LRRC38: variants seen among roughly 807,000 people sequenced by gnomAD.
LRRC38 encodes the protein leucine rich repeat containing 38.
In LRRC38, 5 loss-of-function variants were observed where a neutral mutation model predicts 16.4. The ratio of observed to expected loss-of-function variants is 0.31; its 90% CI spans 0.16 to 0.64. LRRC38 has a LOEUF of 0.64. Among genes scored for constraint, LRRC38 ranks in the 30% least tolerant of loss-of-function variants. The pLI, the probability that LRRC38 is intolerant of heterozygous loss-of-function variation, is 0.80. For synonymous variants in LRRC38, 191 were observed against 190.2 expected, an observed-to-expected ratio of 1.00 and a Z score of -0.04; for missense variants, 341 against 401.8, an observed-to-expected ratio of 0.85 and a Z score of 1.29.
At chr1:13,504,297 C>A in intron 1 of LRRC38, among the ~76,000 whole-genome samples, 1 of 152,080 alleles carries the variant, frequency 6.6e-6, no homozygotes, top group East Asian at 1.9e-4. Context: ...TCATTGGAAG[C>A]ACAGACAGTC....
chr1:13,499,107 G>GT (rs1225117707), intron 1 of LRRC38, among the ~76,000 whole-genome samples: 1 of 151,798 alleles, frequency 6.6e-6, no homozygotes. Context: ...TTTTTTGTTT[G>GT]TTTTTTTGAG....
Position 13,476,487 on chromosome 1 carries a change from C to T in LRRC38, c.632-388G>A, listed in dbSNP as rs1638791230. ...GGGATTACAGGTGTGCACCGCCACA[C>T]CTGACTAATTTTAGTATTTTTAGTA... is the stretch of plus-strand genomic sequence containing the variant. On this transcript the variant is annotated intron_variant, in intron 1 of 1. Coordinates refer to ENST00000376085, the MANE Select transcript of LRRC38 (RefSeq NM_001010847.2). 2.6e-5 allele frequency among the ~76,000 whole-genome samples: 4 copies of T among 152,138 alleles called. No individual in the cohort carries two copies. In the South Asian group the frequency reaches 6.2e-4, roughly 24 times the overall value.
In LRRC38 at chr1:13,513,385, C is replaced by T. The variant is rs1639299991; in HGVS notation, c.209G>A (p.Arg70Gln). Reference sequence around the variant, plus strand: ...GAAGATGAAGAAGTCCTCGGGGATCCGCTGGATGCGGTTGCCGGCCACCAG... The same window carrying T: ...GAAGATGAAGAAGTCCTCGGGGATCTGCTGGATGCGGTTGCCGGCCACCAG... ...KLLVAGNRIQ[R>Q]IPEDFFIFYG... The change falls in exon 1 of 2, where the codon CGG becomes CAG. Residue 70 changes from arginine (R) to glutamine (Q), a missense_variant. Arg to Gln is a conservative substitution (Grantham distance 43). Coordinates refer to ENST00000376085, the MANE Select transcript of LRRC38 (RefSeq NM_001010847.2). 1.3e-6 allele frequency: 2 copies of T among 1,550,626 alleles called. No individual in the cohort carries two copies. Among genetic ancestry groups the T allele is most frequent in the Non-Finnish European group, 1.7e-6 (2 of 1,146,954 alleles).
intron 1 of LRRC38, among the ~76,000 whole-genome samples, chr1:13,492,545 T>C (rs1639026401): frequency 2.0e-5 from 3 of 151,822 alleles, no homozygotes; most frequent in African/African-American, 7.3e-5. Flanking sequence ...CTACTAAAAA[T>C]ACAAAAATTA....
chr1:13,482,305 G>A (rs529572590), intron 1 of LRRC38, among the ~76,000 whole-genome samples: 12 of 152,134 alleles, frequency 7.9e-5, no homozygotes, highest in Admixed American at 2.0e-4. Flanking sequence ...GGCCAGGCAC[G>A]GTGGCTCACA....
At chr1:13,511,860 A>G (rs1244196150) in intron 1 of LRRC38, among the ~76,000 whole-genome samples, 2 of 152,150 alleles carry the variant, frequency 1.3e-5, no homozygotes, top group African/African-American at 4.8e-5. Context: ...ACCCCGAAGC[A>G]TGGGGTGTGT....
At chr1:13,479,231 C>A (rs1487770591) in intron 1 of LRRC38, among the ~76,000 whole-genome samples, 1 of 152,010 alleles carries the variant, frequency 6.6e-6, no homozygotes, top group African/African-American at 2.4e-5. Context: ...CTCCTAACAG[C>A]CTACCCCGGC....
intron 1 of LRRC38, among the ~76,000 whole-genome samples, chr1:13,483,431 G>A (rs1638893272): frequency 6.6e-6 from 1 of 152,180 alleles, no homozygotes; most frequent in African/African-American, 2.4e-5. Flanking sequence ...TTACAGGCGT[G>A]AGCCACCACA....
intron 1 of LRRC38, among the ~76,000 whole-genome samples, chr1:13,499,990 C>T (rs113820899): frequency 0.063 from 9,512 of 152,094 alleles, 976 homozygotes; most frequent in African/African-American, 0.22. Context: ...GTCTCTCATG[C>T]CTGTAATCCC....
rs951278437 is a variant in LRRC38 at position 13,513,047 on chromosome 1, GACGCAGGGAGCGCA to G, written c.533_546del (p.Leu178ProfsTer11). 1.3e-6 allele frequency: 2 copies of G among 1,549,940 alleles called. No individual in the cohort carries two copies. The highest frequency in any genetic ancestry group is 2.7e-5 in the African/African-American group (2 of 73,014). On this transcript the variant is annotated frameshift_variant, in exon 1 of 2. Transcript: ENST00000376085. LOFTEE classifies it high-confidence loss of function. The stretch of plus-strand genomic sequence containing the variant: ...TCGCACAGCCAGGGGTTCCCGTCCA[GACGCAGGGAGCGCA>G]GCGCGGGCAGCGCGGCCAGGGCGGC...
Position 13,513,643 on chromosome 1 carries a change from C to G in LRRC38, c.-50G>C. ...GGCGAGAAGGAAGCGGCTCTCGGAG[C>G]GAGCCCTGGCGCGGGACGGCGCGGT... On this transcript the variant is annotated 5_prime_UTR_variant, in exon 1 of 2. Transcript: ENST00000376085. 9.7e-7 allele frequency: 1 copy of G among 1,035,186 alleles called. No homozygotes were observed. The highest frequency in any genetic ancestry group is 1.2e-6 in the Non-Finnish European group (1 of 863,322). 64.1% of individuals were successfully genotyped at this position (1,035,186 alleles called of 1,614,324 possible).
intron 1 of LRRC38, among the ~76,000 whole-genome samples, chr1:13,489,538 T>C (rs752524406): frequency 2.0e-5 from 3 of 151,030 alleles, no homozygotes; most frequent in Non-Finnish European, 4.4e-5. Flanking sequence ...CCTGACTCCC[T>C]GTGTAGTGCT....
At chr1:13,508,688 TA>T (rs1261458829) in intron 1 of LRRC38, among the ~76,000 whole-genome samples, 6 of 152,230 alleles carry the variant, frequency 3.9e-5, no homozygotes, top group Admixed American at 3.9e-4. Flanking sequence ...ATCAGGAACA[TA>T]AAGCTGCTTT....
At chr1:13,478,875 A>C (rs1638818776) in intron 1 of LRRC38, among the ~76,000 whole-genome samples, 1 of 151,994 alleles carries the variant, frequency 6.6e-6, no homozygotes, top group South Asian at 2.1e-4. Flanking sequence ...TCTACAGCCA[A>C]CCCATCGATG....
At position 13,513,042 on chromosome 1, in the gene LRRC38, G is replaced by A. The variant is rs1557507536; in HGVS notation, c.552C>T (p.Asp184=). 6.5e-7 allele frequency: 1 copy of A among 1,548,430 alleles called. No individual in the cohort carries two copies. Among genetic ancestry groups the A allele is most frequent in the Non-Finnish European group, 8.7e-7 (1 of 1,145,932 alleles). Residue 184 remains aspartate (D), a synonymous_variant, in exon 1 of 2, where the codon GAC becomes GAT. Coordinates refer to ENST00000376085, the MANE Select transcript of LRRC38 (RefSeq NM_001010847.2). The part of the protein sequence containing the change: ...ALPALRSLRL[D]GNPWLCDCDF... ...CACAGTCGCACAGCCAGGGGTTCCC[G>A]TCCAGACGCAGGGAGCGCAGCGCGG... is the stretch of plus-strand genomic sequence containing the variant.
chr1:13,490,929 A>G (rs6690828), intron 1 of LRRC38, among the ~76,000 whole-genome samples: 10,153 of 152,206 alleles, frequency 0.067, 433 homozygotes, highest in Middle Eastern at 0.11. Context: ...CAGGATACGC[A>G]GGGGTGTGTG....
In LRRC38 at chr1:13,487,607, C is replaced by T. The variant is rs116625209; in HGVS notation, c.632-11508G>A. Reference sequence around the variant, plus strand: ...GCATCTCCCTTGTGCAGGGCGGCTCCGTGGCCTGCCCGTCACCACCTGTCT... The same window carrying T: ...GCATCTCCCTTGTGCAGGGCGGCTCTGTGGCCTGCCCGTCACCACCTGTCT... On this transcript the variant is annotated intron_variant, in intron 1 of 1. Transcript: ENST00000376085. The surrounding 1 kb of genome is among the most constrained non-coding windows in gnomAD (Gnocchi z 4.4). 5.7e-4 allele frequency among the ~76,000 whole-genome samples: 87 copies of T among 152,316 alleles called. No individual in the cohort carries two copies. The highest frequency in any genetic ancestry group is 2.0e-3 in the African/African-American group (83 of 41,578).
intron 1 of LRRC38, among the ~76,000 whole-genome samples, chr1:13,496,197 C>T (rs780649382): frequency 3.3e-5 from 5 of 151,970 alleles, no homozygotes; most frequent in East Asian, 1.9e-4. Flanking sequence ...TAGAGTGTCT[C>T]GTTCTGTCAC....
chr1:13,479,440 G>A (rs183683255), intron 1 of LRRC38, among the ~76,000 whole-genome samples: 5 of 152,272 alleles, frequency 3.3e-5, no homozygotes, highest in East Asian at 3.9e-4. Flanking sequence ...ATAAGCCCAC[G>A]GCACCTGCCG....
Sources: allele counts gnomAD v4.1 joint callset (sites outside exome capture counted in the v4.1 genomes callset), GRCh38; gene constraint gnomAD v4.1.1; non-coding constraint Gnocchi (gnomAD v3.1); transcripts MANE v1.5; gene names NCBI Gene and HGNC (gene_info 2026-07-23, HGNC 2026-07-21).